The following BEND3 variants were observed in gnomAD, a reference collection of about 807,000 sequenced individuals.
BEND3 encodes BEN domain containing 3, also known as BEN domain-containing protein 3.
BEND3 carries 13 observed loss-of-function variants against 60.1 expected under a neutral mutation model. The observed-to-expected ratio is 0.22, with a 90% CI of 0.14 to 0.34. BEND3 has a LOEUF of 0.34. BEND3 is among the 10% of genes least tolerant of loss of function. BEND3 has a pLI of 1.00. For synonymous variants in BEND3, 497 were observed against 491.5 expected (o/e 1.01, Z -0.15); for missense variants, 896 against 1,138.1 (o/e 0.79, Z 3.06).
At chr6:107,105,519 G>A (rs1038377243) in intron 1 of BEND3, among the ~76,000 whole-genome samples, 28 of 152,142 alleles carry the variant, frequency 1.8e-4, no homozygotes, top group African/African-American at 6.3e-4. Flanking sequence ...TAGGCGGCTG[G>A]GAGTGGCCCG....
At chr6:107,105,509 T>C (rs941539730) in intron 1 of BEND3, among the ~76,000 whole-genome samples, 24 of 152,020 alleles carry the variant, frequency 1.6e-4, no homozygotes, top group Admixed American at 1.6e-3. Context: ...AGTGAACCCA[T>C]AGGCGGCTGG....
intron 3 of BEND3, among the ~76,000 whole-genome samples, chr6:107,093,393 G>A (rs1013685219): frequency 3.9e-5 from 6 of 151,904 alleles, no homozygotes; most frequent in Non-Finnish European, 7.4e-5. Flanking sequence ...CCCGGGAGGC[G>A]GAGCTTGCAG....
rs1167919748 is a variant in BEND3 at position 107,070,519 on chromosome 6, C to T, written c.672G>A (p.Val224=). 2.5e-6 allele frequency: 4 copies of T among 1,613,798 alleles called. No homozygotes were observed. The highest frequency in any genetic ancestry group is 2.5e-6 in the Non-Finnish European group (3 of 1,180,034). ...GGCTCACCTGCTTCTTGATGCGGCTCACCTCAAGGGAGAGCAGGTCCACCT... is the reference window on the plus strand; with the variant it reads ...GGCTCACCTGCTTCTTGATGCGGCTTACCTCAAGGGAGAGCAGGTCCACCT... ...HSKVDLLSLE[V]SRIKKQVSPT... The change falls in exon 4 of 4, where the codon GTG becomes GTA. Residue 224 remains valine, a synonymous_variant. Transcript: ENST00000369042. This position sits in a 1 kb window ranked among gnomAD's most constrained non-coding sequence, Gnocchi z 6.9.
intron 1 of BEND3, among the ~76,000 whole-genome samples, chr6:107,103,012 T>G (rs545697820): frequency 2.6e-5 from 4 of 152,286 alleles, no homozygotes; most frequent in African/African-American, 9.6e-5. Context: ...TTGTTAAGCT[T>G]CTTCTGATGA....
intron 3 of BEND3, among the ~76,000 whole-genome samples, chr6:107,084,434 T>C (rs1392868378): frequency 6.6e-6 from 1 of 152,132 alleles, no homozygotes; most frequent in African/African-American, 2.4e-5. Context: ...GCACTCTGTG[T>C]CTAGCTAAAG....
intron 1 of BEND3, among the ~76,000 whole-genome samples, chr6:107,112,508 T>A (rs1430417738): frequency 2.0e-5 from 3 of 152,060 alleles, no homozygotes; most frequent in Non-Finnish European, 4.4e-5. Flanking sequence ...CATAAAACTT[T>A]CCCATTATAT....
Position 107,065,563 on chromosome 6 carries a change from C to A in BEND3, c.*3141G>T, listed in dbSNP as rs1282125564. ...TATACAGTCGATCTACACAGCCAGG[C>A]GGGGTGCAAGCTCACGACCTCCACT... is the stretch of plus-strand genomic sequence containing the variant. On this transcript the variant is annotated 3_prime_UTR_variant, in exon 4 of 4. Coordinates refer to ENST00000369042, the MANE Select transcript of BEND3 (RefSeq NM_001367314.1). 4 of 152,180 alleles carry A rather than the reference C, an allele frequency of 2.6e-5. No individual in the cohort carries two copies. Among genetic ancestry groups the A allele is most frequent in the African/African-American group, 7.2e-5 (3 of 41,428 alleles). The allele number at this position is 152,180 out of a possible 1,614,324, so 9.4% of individuals were successfully genotyped here.
intron 1 of BEND3, among the ~76,000 whole-genome samples, chr6:107,109,051 C>T (rs567183022): frequency 7.2e-5 from 11 of 152,146 alleles, no homozygotes; most frequent in African/African-American, 2.2e-4. Flanking sequence ...AGAGATCCAC[C>T]CGCCTCAGCC....
At chr6:107,073,229 A>G (rs373572090) in intron 3 of BEND3, among the ~76,000 whole-genome samples, 4 of 33,680 alleles carry the variant, frequency 1.2e-4, no homozygotes, top group Admixed American at 3.5e-4. Flanking sequence ...ATATATATAT[A>G]TATATATATA....
rs958123990 is a variant in BEND3, at chr6:107,066,756, T to C, written c.*1948A>G. ...GGTGGGAGAGGGCCACAGCTGTCTT[T>C]GGGTAGGGTGCGTGTGTGTGCATGC... On this transcript the variant is annotated 3_prime_UTR_variant, in exon 4 of 4. Transcript: ENST00000369042. 1 of 152,458 alleles carries C rather than the reference T, an allele frequency of 6.6e-6. No homozygotes were observed. The highest frequency in any genetic ancestry group is 1.5e-5 in the Non-Finnish European group (1 of 68,042). 9.4% of individuals were successfully genotyped at this position (152,458 alleles called of 1,614,324 possible).
rs1379653187 is a variant in BEND3, at chr6:107,065,599, G to A, written c.*3105C>T. The A allele has an allele frequency of 3.3e-5, 5 of 152,192 alleles. No homozygotes were observed. The highest frequency in any genetic ancestry group is 1.2e-4 in the African/African-American group (5 of 41,432). The allele number at this position is 152,192 out of a possible 1,614,324, so 9.4% of individuals were successfully genotyped here. A position where few individuals can be genotyped will look rare whatever the true frequency, so the allele number is the denominator to read the frequency against. On this transcript the variant is annotated 3_prime_UTR_variant, in exon 4 of 4. Transcript: ENST00000369042. The stretch of plus-strand genomic sequence containing the variant: ...CTCACGACCTCCACTCGGGAGTCTC[G>A]AGATCCCCTCTTGACTGGGAAAGAA...
chr6:107,111,133 C>G (rs1375898492), intron 1 of BEND3, among the ~76,000 whole-genome samples: 1 of 152,076 alleles, frequency 6.6e-6, no homozygotes, highest in Non-Finnish European at 1.5e-5. Flanking sequence ...CCACTGCACT[C>G]CAGGTTGGGT....
intron 1 of BEND3, among the ~76,000 whole-genome samples, chr6:107,106,733 T>TTA (rs1554237561): frequency 7.2e-5 from 11 of 152,020 alleles, no homozygotes. Context: ...TCTCAGCCTG[T>TTA]GAGTAGCTAG....
chr6:107,087,792 CTT>C lies in BEND3; in HGVS notation c.240+10757_240+10758del, dbSNP rs34765639. The stretch of plus-strand genomic sequence containing the variant: ...GTCAATGGACACACAAATGAAAATA[CTT>C]TTTTTTTTTTTTTTTTTTTTAGAGA... On this transcript the variant is annotated intron_variant, in intron 3 of 3. Coordinates refer to ENST00000369042, the MANE Select transcript of BEND3 (RefSeq NM_001367314.1). Among the ~76,000 whole-genome samples, 901 of 92,370 alleles carry C rather than the reference CTT, an allele frequency of 9.8e-3. 13 individuals are homozygous for C. Among genetic ancestry groups the C allele is most frequent in the African/African-American group, 0.029 (694 of 24,242 alleles). 60.6% of individuals were successfully genotyped at this position (92,370 alleles called of 152,430 possible).
In BEND3 at chr6:107,098,675, G is replaced by T. The variant is rs372603057; in HGVS notation, c.116C>A (p.Ser39Tyr). Residue 39 changes from serine (S) to tyrosine (Y), a missense_variant, in exon 3 of 4, where the codon TCT (serine) becomes TAT (tyrosine). Ser to Tyr is a moderately radical substitution (Grantham distance 144). Around this residue, in one of 4 missense-constraint regions of BEND3, gnomAD observed 846 missense variants for 1,036.7 expected, o/e 0.82. Transcript: ENST00000369042. ...GACGCTGTCCACAGAGTGCTTCTCA[G>T]AAGTCCTGGAATTCACGGAGCAGTC... is the stretch of plus-strand genomic sequence containing the variant. ...ALDCSVNSRTSEKHSVDSVLT... is the reference protein window; with the variant it reads ...ALDCSVNSRTYEKHSVDSVLT... The T allele has an allele frequency of 6.2e-7, 1 of 1,614,128 alleles. No individual in the cohort carries two copies. Among genetic ancestry groups the T allele is most frequent in the East Asian group, 2.2e-5 (1 of 44,892 alleles).
At chr6:107,075,368 T>C (rs143131205) in intron 3 of BEND3, among the ~76,000 whole-genome samples, 94 of 152,358 alleles carry the variant, frequency 6.2e-4, no homozygotes, top group Admixed American at 4.1e-3. Context: ...TAAATACTTA[T>C]TTACAAATTC....
rs781842415 is a variant in BEND3, at chr6:107,070,481, A to T, written c.710T>A (p.Val237Glu). The T allele has an allele frequency of 6.2e-7, 1 of 1,614,102 alleles. No individual in the cohort carries two copies. Among genetic ancestry groups the T allele is most frequent in the South Asian group, 1.1e-5 (1 of 91,070 alleles). Residue 237 changes from valine (V) to glutamate (E), a missense_variant, in exon 4 of 4, where the codon GTG becomes GAG. Val to Glu is a moderately radical substitution (Grantham distance 121, BLOSUM62 -2). This residue lies in a region of BEND3 where 846 missense variants were observed against 1,036.7 expected (regional missense o/e 0.82). Transcript: ENST00000369042. The surrounding 1 kb of genome is among the most constrained non-coding windows in gnomAD (Gnocchi z 6.9). ...IKKQVSPTEM[V>E]AKFQPPPEYQ... ...CTCAGGGGGCGGCTGGAATTTGGCC[A>T]CCATCTCAGTGGGGCTCACCTGCTT...
At position 107,089,647 on chromosome 6, in the gene BEND3, C is replaced by T. The variant is rs149216160; in HGVS notation, c.240+8904G>A. On this transcript the variant is annotated intron_variant, in intron 3 of 3. Transcript: ENST00000369042. ...TCTCGCTCTGTCACCCAGGCTAAAGCGCAAGGGCATGATCTTGGCTCACTG... is the reference window on the plus strand; with the variant it reads ...TCTCGCTCTGTCACCCAGGCTAAAGTGCAAGGGCATGATCTTGGCTCACTG... Among the ~76,000 whole-genome samples, 1,004 of 147,320 alleles carry T rather than the reference C, an allele frequency of 6.8e-3. 23 individuals are homozygous for T. Among genetic ancestry groups the T allele is most frequent in the African/African-American group, 0.024 (957 of 40,084 alleles).
intron 3 of BEND3, among the ~76,000 whole-genome samples, chr6:107,086,801 C>T (rs992324750): frequency 5.3e-5 from 8 of 151,228 alleles, no homozygotes; most frequent in Non-Finnish European, 8.8e-5. Flanking sequence ...CCGAGGTGGG[C>T]GGATCACAAG....
Sources: allele counts gnomAD v4.1 joint callset (sites outside exome capture counted in the v4.1 genomes callset), GRCh38; gene constraint gnomAD v4.1.1; regional missense constraint gnomAD v4.1.1; non-coding constraint Gnocchi (gnomAD v3.1); transcripts MANE v1.5; gene names NCBI Gene and HGNC (gene_info 2026-07-23, HGNC 2026-07-21).